Variants in PSMC6 observed in about 807,000 individuals in gnomAD.
PSMC6 encodes the protein 26S proteasome regulatory subunit 10B.
PSMC6 carries 3 observed loss-of-function variants against 55.9 expected under a neutral mutation model. That is an observed-to-expected ratio of 0.05 (90% CI 0.02 to 0.14). PSMC6 has a LOEUF of 0.14. Ranked by LOEUF, PSMC6 falls within the 10% of genes least tolerant of loss-of-function variation. PSMC6 has a pLI of 1.00. For missense variants in PSMC6, 210 were observed against 478.7 expected (o/e 0.44, Z 5.24); for synonymous variants, 137 against 155.9 (o/e 0.88, Z 0.90).
At chr14:52,709,793 A>T (rs1362235355) in intron 4 of PSMC6, 9 of 220,388 alleles carry the variant, frequency 4.1e-5, no homozygotes, top group African/African-American at 7.1e-5. Context: ...ATCCCTAATT[A>T]AAAAAAATCA....
At chr14:52,710,928 A>T in intron 4 of PSMC6, 173 bp from the exon 5 acceptor site, 11 of 649,148 alleles carry the variant, frequency 1.7e-5, no homozygotes, top group South Asian at 5.2e-5. Context: ...GGTGGAAATC[A>T]CTTTGAATTA....
intron 5 of PSMC6, 60 bp from the exon 6 acceptor site, chr14:52,711,350 A>G (rs889353268): frequency 9.2e-6 from 13 of 1,408,302 alleles, no homozygotes; most frequent in African/African-American, 2.9e-5. Context: ...TTTATATGCT[A>G]TCTGTAGGCT....
chr14:52,707,215 T>C lies in PSMC6; in HGVS notation c.-5T>C. The C allele has an allele frequency of 6.2e-7, 1 of 1,612,486 alleles. No individual in the cohort carries two copies. The highest frequency in any genetic ancestry group is 8.5e-7 in the Non-Finnish European group (1 of 1,179,352). On this transcript the variant is annotated 5_prime_UTR_variant, in exon 1 of 14. Transcript: ENST00000445930. ...GGCATCCCCTATGAGAGACGGCTTC[T>C]CATCATGGCGGACCCTAGAGATAAG...
In PSMC6 at chr14:52,725,095, C is replaced by G. The variant is rs543992111; in HGVS notation, c.1051+1059C>G. Among the ~76,000 whole-genome samples the G allele has an allele frequency of 7.8e-4, 119 of 152,284 alleles. 1 individual carries two copies. The highest frequency in any genetic ancestry group is 1.3e-3 in the Admixed American group (20 of 15,296). On this transcript the variant is annotated intron_variant, in intron 13 of 13. Coordinates refer to ENST00000445930, the MANE Select transcript of PSMC6 (RefSeq NM_002806.5). ...ATGCTCACAGAGCGTTATCAATAAA[C>G]TAAACTATTTAGAGGTAAACTGTCA...
chr14:52,711,460 A>G lies in PSMC6; in HGVS notation c.377A>G (p.Asp126Gly). 2 of 1,613,252 alleles carry G rather than the reference A, an allele frequency of 1.2e-6. No individual in the cohort carries two copies. Among genetic ancestry groups the G allele is most frequent in the Non-Finnish European group, 1.7e-6 (2 of 1,179,392 alleles). The change falls in exon 6 of 14, where the codon GAC (aspartate) becomes GGC (glycine). Residue 126 changes from aspartate (D) to glycine (G), a missense_variant. Physicochemically the swap from Asp to Gly is moderately conservative, Grantham distance 94. Transcript: ENST00000445930. ...DPLVYNMSHEDPGNVSYSEIG... is the reference protein window; with the variant it reads ...DPLVYNMSHEGPGNVSYSEIG... ...CTGGTTTATAACATGTCTCATGAGG[A>G]CCCTGGGAATGTTTCTTATTCTGAG...
At chr14:52,720,800 G>A (rs1420421133) in intron 10 of PSMC6, 61 bp from the exon 11 acceptor site, 7 of 1,346,104 alleles carry the variant, frequency 5.2e-6, no homozygotes, top group African/African-American at 1.5e-5. Flanking sequence ...CATATAAAAG[G>A]TGTGTGCTAT....
chr14:52,727,607 A>G lies in PSMC6; in HGVS notation c.1160A>G (p.Lys387Arg), dbSNP rs1275129779. ...AAGCTGGAGTCTAAATTGGACTACA[A>G]ACCTGTGTAATTTACTGTAAGATTT... ...SKKLESKLDY[K>R]PV The change falls in exon 14 of 14, where the codon AAA becomes AGA. Residue 387 changes from lysine to arginine, a missense_variant. Physicochemically the swap from Lys to Arg is conservative, Grantham distance 26 (BLOSUM62 2). Around this residue, in one of 4 missense-constraint regions of PSMC6, gnomAD observed 79 missense variants for 158.7 expected, o/e 0.50. Coordinates refer to ENST00000445930, the MANE Select transcript of PSMC6 (RefSeq NM_002806.5). The G allele has an allele frequency of 6.2e-7, 1 of 1,607,202 alleles. No homozygotes were observed. Among genetic ancestry groups the G allele is most frequent in the Admixed American group, 1.7e-5 (1 of 59,940 alleles).
Position 52,708,760 on chromosome 14 carries a change from C to T in PSMC6, c.206-4C>T. The T allele has an allele frequency of 6.2e-7, 1 of 1,611,832 alleles. No individual in the cohort carries two copies. Among genetic ancestry groups the T allele is most frequent in the Non-Finnish European group, 8.5e-7 (1 of 1,179,406 alleles). The stretch of plus-strand genomic sequence containing the variant: ...AATTAGTTCTTTTATGTTTTTTCTT[C>T]TAGTCATTGTTAAAGCTACCAATGG... On this transcript the variant is annotated splice_polypyrimidine_tract_variant and splice_region_variant and intron_variant, in intron 3 of 13. Transcript: ENST00000445930.
chr14:52,719,130 C>A, intron 10 of PSMC6, 92 bp downstream of exon 10: 1 of 1,066,064 alleles, frequency 9.4e-7, no homozygotes, highest in Non-Finnish European at 1.4e-6. Flanking sequence ...ATATATAGAA[C>A]ATTTTAAATG....
chr14:52,718,655 A>G, intron 9 of PSMC6: 1 of 399,932 alleles, frequency 2.5e-6, no homozygotes, highest in Non-Finnish European at 4.6e-6. Flanking sequence ...ATGTGGTGGC[A>G]CATGCCTGTA....
chr14:52,721,347 GAACCATTGT>G (rs1208941574), intron 12 of PSMC6, among the ~76,000 whole-genome samples, 157 bp downstream of exon 12: 1 of 152,200 alleles, frequency 6.6e-6, no homozygotes, highest in Admixed American at 6.5e-5. Context: ...TATAAGCTAG[GAACCATTGT>G]AAGTGTTTTG....
intron 9 of PSMC6, chr14:52,718,647 G>C (rs1566659818): frequency 2.5e-6 from 1 of 397,334 alleles, no homozygotes; most frequent in African/African-American, 2.0e-5. Flanking sequence ...TTAGCTGGAT[G>C]TGGTGGCACA....
intron 1 of PSMC6, 148 bp downstream of exon 1, chr14:52,707,452 G>C (rs191409349): frequency 1.4e-4 from 143 of 1,035,514 alleles, no homozygotes; most frequent in Admixed American, 1.0e-3. Context: ...ATCCGGCCCT[G>C]AGCTTGTGGA....
intron 6 of PSMC6, among the ~76,000 whole-genome samples, chr14:52,713,349 G>A (rs1461120777): frequency 6.6e-6 from 1 of 152,170 alleles, no homozygotes; most frequent in Non-Finnish European, 1.5e-5. Context: ...AGAACATACT[G>A]TTCTTTAAAA....
intron 7 of PSMC6, among the ~76,000 whole-genome samples, chr14:52,715,094 T>C (rs2041816737): frequency 6.6e-6 from 1 of 151,064 alleles, no homozygotes; most frequent in Non-Finnish European, 1.5e-5. Context: ...TGCTAGTTAG[T>C]AGCCATTGCG....
At chr14:52,718,813 G>A (rs2041858717) in intron 9 of PSMC6, 164 bp from the exon 10 acceptor site, 7 of 615,840 alleles carry the variant, frequency 1.1e-5, no homozygotes, top group Non-Finnish European at 2.0e-5. Context: ...TTAACAAAAT[G>A]AGAAATGTTA....
chr14:52,727,729 A>C lies in PSMC6; in HGVS notation c.*112A>C, dbSNP rs1000978458. 3 of 603,758 alleles carry C rather than the reference A, an allele frequency of 5.0e-6. No homozygotes were observed. Among genetic ancestry groups the C allele is most frequent in the East Asian group, 5.9e-5 (2 of 33,920 alleles). The allele number at this position is 603,758 out of a possible 1,614,324, so 37.4% of individuals were successfully genotyped here. Reference sequence around the variant, plus strand: ...TGATGTCATTAAAAGTATATGAATAAAAATATGAGTAACATCATAAAAATT... The same window carrying C: ...TGATGTCATTAAAAGTATATGAATACAAATATGAGTAACATCATAAAAATT... On this transcript the variant is annotated 3_prime_UTR_variant, in exon 14 of 14. Coordinates refer to ENST00000445930, the MANE Select transcript of PSMC6 (RefSeq NM_002806.5).
intron 1 of PSMC6, among the ~76,000 whole-genome samples, chr14:52,707,940 A>T (rs1018532928): frequency 3.9e-5 from 6 of 152,220 alleles, no homozygotes; most frequent in Non-Finnish European, 7.3e-5. Flanking sequence ...TTAGGGTAGA[A>T]TGTCAGAGAA....
rs1437875103 is a variant in PSMC6 at position 52,707,453 on chromosome 14, A to C, written c.85+149A>C. The stretch of plus-strand genomic sequence containing the variant: ...CAAGGCGCTTTGTCATCCGGCCCTG[A>C]GCTTGTGGAGCAGCACTCCTTCGGG... On this transcript the variant is annotated intron_variant, in intron 1 of 13. Transcript: ENST00000445930. The C allele has an allele frequency of 8.7e-6, 9 of 1,035,128 alleles. No individual in the cohort carries two copies. The African/African-American group carries it at 9.7e-5, about 11-fold the overall frequency. The allele number at this position is 1,035,128 out of a possible 1,614,324, so 64.1% of individuals were successfully genotyped here.
Sources: gnomAD v4.1 joint callset for allele counts (sites outside exome capture counted in the v4.1 genomes callset) on GRCh38, gnomAD v4.1.1 for gene constraint, gnomAD v4.1.1 regional missense constraint, MANE v1.5 for transcripts, NCBI Gene and HGNC (gene_info 2026-07-23, HGNC 2026-07-21) for gene names.